Variants in TCF4 observed in about 807,000 individuals in gnomAD.
TCF4 encodes the protein SL3-3 enhancer factor 2.
A neutral mutation model predicts 82.1 loss-of-function variants in TCF4; 3 were observed. The observed-to-expected ratio is 0.04, with a 90% CI of 0.02 to 0.09. TCF4 has a LOEUF of 0.09. Ranked by LOEUF, TCF4 falls within the 10% of genes least tolerant of loss-of-function variation. The pLI, the probability that TCF4 is intolerant of heterozygous loss-of-function variation, is 1.00. For missense variants in TCF4, 518 were observed against 852.7 expected, an observed-to-expected ratio of 0.61 and a Z score of 4.89; for synonymous variants, 276 against 309.6, an observed-to-expected ratio of 0.89 and a Z score of 1.14.
At chr18:55,607,061 T>C (rs1476304341) in intron 2 of TCF4, among the ~76,000 whole-genome samples, 1 of 152,102 alleles carries the variant, frequency 6.6e-6, no homozygotes, top group East Asian at 1.9e-4. Context: ...GTAGGCACAA[T>C]GGGTAGAGGT....
chr18:55,275,867 G>A, intron 9 of TCF4, 115 bp from the exon 10 acceptor site: 2 of 1,341,466 alleles, frequency 1.5e-6, no homozygotes, highest in Non-Finnish European at 2.1e-6. Context: ...TCTTTGTGTT[G>A]GTTAGCTGAT....
chr18:55,254,693 C>T lies in TCF4; in HGVS notation c.1154G>A (p.Arg385Gln), dbSNP rs1420909531. ...CAGTCTTTCTAAACGATCTTCAATTCGGCTTTGCTGTTGGTTAACAAATGA... is the reference window on the plus strand; with the variant it reads ...CAGTCTTTCTAAACGATCTTCAATTTGGCTTTGCTGTTGGTTAACAAATGA... ...YEGPLHSLQS[R>Q]IEDRLERLDD... The change falls in exon 15 of 20, where the codon CGA becomes CAA. Residue 385 changes from arginine to glutamine, a missense_variant. Transcript: ENST00000354452. 9 of 1,609,608 alleles carry T rather than the reference C, an allele frequency of 5.6e-6. No individual in the cohort carries two copies. The highest frequency in any genetic ancestry group is 1.3e-5 in the African/African-American group (1 of 74,830).
chr18:55,612,382 T>C (rs2097707905), intron 2 of TCF4, among the ~76,000 whole-genome samples: 1 of 152,186 alleles, frequency 6.6e-6, no homozygotes, highest in Non-Finnish European at 1.5e-5. Flanking sequence ...TTATTTGCTT[T>C]TAAGGAATTC....
chr18:55,361,396 A>G lies in TCF4; in HGVS notation c.370-10393T>C, dbSNP rs11873972. On this transcript the variant is annotated intron_variant, in intron 6 of 19. Coordinates refer to ENST00000354452, the MANE Select transcript of TCF4 (RefSeq NM_001083962.2). Reference sequence around the variant, plus strand: ...TCTAGGCACTAGGAAGACAGTCCTCATCTGTCTCTTCCCTTCCCTGCAGCC... The same window carrying G: ...TCTAGGCACTAGGAAGACAGTCCTCGTCTGTCTCTTCCCTTCCCTGCAGCC... Among the ~76,000 whole-genome samples the G allele has an allele frequency of 4.7e-3, 720 of 152,302 alleles. 1 individual carries two copies. The highest frequency in any genetic ancestry group is 0.017 in the Middle Eastern group (5 of 294).
At chr18:55,257,783 G>C (rs994485092) in intron 13 of TCF4, among the ~76,000 whole-genome samples, 69 of 152,130 alleles carry the variant, frequency 4.5e-4, no homozygotes, top group African/African-American at 1.6e-3. Flanking sequence ...TCTCGCACCA[G>C]TGGAAAACAG....
intron 2 of TCF4, among the ~76,000 whole-genome samples, chr18:55,611,817 G>A (rs1243794792): frequency 6.6e-6 from 1 of 152,042 alleles, no homozygotes; most frequent in African/African-American, 2.4e-5. Context: ...TACCCAGGCT[G>A]GAGTGCAGTG....
intron 11 of TCF4, chr18:55,265,305 G>A (rs2058890259): frequency 1.3e-5 from 2 of 152,256 alleles, no homozygotes; most frequent in South Asian, 2.1e-4. Flanking sequence ...AGTGACCCTC[G>A]TGTTATTAAA....
intron 8 of TCF4, among the ~76,000 whole-genome samples, chr18:55,292,734 G>A (rs751158527): frequency 8.6e-5 from 13 of 151,440 alleles, no homozygotes; most frequent in African/African-American, 1.2e-4. Context: ...ATACATGTGC[G>A]TAGATACATA....
At chr18:55,242,382 A>C (rs2051536999) in intron 15 of TCF4, among the ~76,000 whole-genome samples, 1 of 152,218 alleles carries the variant, frequency 6.6e-6, no homozygotes, top group African/African-American at 2.4e-5. Flanking sequence ...GTGTAATAGT[A>C]CAATGTGCAG....
chr18:55,607,124 G>A (rs1009965336), intron 2 of TCF4, among the ~76,000 whole-genome samples: 10 of 152,018 alleles, frequency 6.6e-5, no homozygotes, highest in African/African-American at 2.2e-4. Flanking sequence ...TAAAAGTTAC[G>A]TTCAGATTTT....
intron 3 of TCF4, among the ~76,000 whole-genome samples, chr18:55,507,368 T>C (rs963829620): frequency 6.6e-5 from 10 of 152,012 alleles, no homozygotes; most frequent in Admixed American, 5.2e-4. Context: ...GTGTCTGGAG[T>C]GTGAATCTGC....
intron 2 of TCF4, among the ~76,000 whole-genome samples, chr18:55,604,846 G>A (rs924556880): frequency 3.9e-5 from 6 of 152,192 alleles, no homozygotes; most frequent in Non-Finnish European, 4.4e-5. Flanking sequence ...AGAGCCAGGG[G>A]AATGGGAAGA....
chr18:55,392,154 G>A (rs2093170242), intron 6 of TCF4, among the ~76,000 whole-genome samples: 1 of 150,374 alleles, frequency 6.7e-6, no homozygotes, highest in Non-Finnish European at 1.5e-5. Context: ...CAGTAGAGAT[G>A]GCATTTCGCC....
At chr18:55,626,400 GA>G (rs397858184) in intron 2 of TCF4, among the ~76,000 whole-genome samples, 1 of 152,142 alleles carries the variant, frequency 6.6e-6, no homozygotes, top group Non-Finnish European at 1.5e-5. Flanking sequence ...ATATCCTGTT[GA>G]AAAAAAGTTC....
intron 15 of TCF4, among the ~76,000 whole-genome samples, chr18:55,235,078 T>C (rs2048986576): frequency 6.6e-6 from 1 of 152,196 alleles, no homozygotes; most frequent in South Asian, 2.1e-4. Flanking sequence ...TCGGAAATCC[T>C]ACAGGAATTT....
At chr18:55,547,825 A>C (rs1187328659) in intron 3 of TCF4, among the ~76,000 whole-genome samples, 2 of 152,224 alleles carry the variant, frequency 1.3e-5, no homozygotes, top group Non-Finnish European at 2.9e-5. Flanking sequence ...CCATTTTCGC[A>C]GTGATTCTGT....
At chr18:55,622,864 A>G (rs1269904430) in intron 2 of TCF4, among the ~76,000 whole-genome samples, 1 of 129,956 alleles carries the variant, frequency 7.7e-6, no homozygotes, top group Non-Finnish European at 1.6e-5. Flanking sequence ...TCAGATTTAA[A>G]AACTTCTTTC....
At chr18:55,290,573 A>G (rs2064819835) in intron 8 of TCF4, among the ~76,000 whole-genome samples, 2 of 152,172 alleles carry the variant, frequency 1.3e-5, no homozygotes, top group Non-Finnish European at 2.9e-5. Context: ...AAGCAGTACA[A>G]AGAAAAATGC....
At chr18:55,384,931 CTA>C (rs1302105108) in intron 6 of TCF4, among the ~76,000 whole-genome samples, 3 of 152,128 alleles carry the variant, frequency 2.0e-5, no homozygotes, top group Non-Finnish European at 2.9e-5. Context: ...CCCCTCTAAT[CTA>C]ATCACTAAAT....
Sources: gnomAD v4.1 joint callset for allele counts (sites outside exome capture counted in the v4.1 genomes callset) on GRCh38, gnomAD v4.1.1 for gene constraint, MANE v1.5 for transcripts, NCBI Gene and HGNC (gene_info 2026-07-23, HGNC 2026-07-21) for gene names.